Variants in SEMA3E observed in about 807,000 individuals in gnomAD.
SEMA3E encodes the protein semaphorin 3E, also known as semaphorin-3E.
SEMA3E carries 49 observed loss-of-function variants against 93.6 expected under a neutral mutation model. The ratio of observed to expected loss-of-function variants is 0.52; its 90% CI spans 0.42 to 0.66. The LOEUF (loss-of-function observed/expected upper bound fraction) is 0.66. Ranked by LOEUF, SEMA3E falls within the 30% of genes least tolerant of loss-of-function variation. The pLI, the probability that SEMA3E is intolerant of heterozygous loss-of-function variation, is 0.00. For missense variants in SEMA3E, 906 were observed against 964.8 expected, an observed-to-expected ratio of 0.94 and a Z score of 0.81; for synonymous variants, 363 against 330.7, an observed-to-expected ratio of 1.10 and a Z score of -1.06.
chr7:83,467,380 T>C (rs950661720), intron 3 of SEMA3E, among the ~76,000 whole-genome samples: 1 of 152,208 alleles, frequency 6.6e-6, no homozygotes, highest in Admixed American at 6.5e-5. Context: ...AAAGTAAGTC[T>C]TATATTCTCA....
intron 4 of SEMA3E, among the ~76,000 whole-genome samples, chr7:83,464,473 T>A (rs1177253969): frequency 9.7e-5 from 10 of 102,572 alleles, no homozygotes; most frequent in East Asian, 8.6e-4. Context: ...ACACTGTTTT[T>A]CCAAGCCATC....
chr7:83,609,063 A>T (rs185025660), intron 1 of SEMA3E, among the ~76,000 whole-genome samples: 380 of 152,226 alleles, frequency 2.5e-3, no homozygotes, highest in African/African-American at 8.9e-3. Flanking sequence ...AAATAGTGTT[A>T]TATAAAGTGT....
At chr7:83,539,120 T>A (rs1791465582) in intron 1 of SEMA3E, among the ~76,000 whole-genome samples, 1 of 152,066 alleles carries the variant, frequency 6.6e-6, no homozygotes, top group Non-Finnish European at 1.5e-5. Flanking sequence ...ATGTGTAGGA[T>A]CTTATTTTGG....
At chr7:83,430,760 G>T (rs112153262) in intron 4 of SEMA3E, among the ~76,000 whole-genome samples, 5,498 of 152,150 alleles carry the variant, frequency 0.036, 316 homozygotes, top group African/African-American at 0.12. Flanking sequence ...CGGACTATTA[G>T]GTGAAGCAAA....
chr7:83,409,429 G>A (rs1255993527), intron 5 of SEMA3E, among the ~76,000 whole-genome samples: 4 of 152,116 alleles, frequency 2.6e-5, no homozygotes, highest in Admixed American at 2.6e-4. Context: ...AGAAACAAAT[G>A]ATAACAGCAG....
intron 4 of SEMA3E, among the ~76,000 whole-genome samples, chr7:83,454,398 T>G (rs1427877432): frequency 6.6e-6 from 1 of 151,058 alleles, no homozygotes; most frequent in East Asian, 1.9e-4. Context: ...TAGAATTGGG[T>G]GCAGGAAGAG....
At chr7:83,458,487 G>T (rs369733018) in intron 4 of SEMA3E, among the ~76,000 whole-genome samples, 77 of 152,182 alleles carry the variant, frequency 5.1e-4, no homozygotes, top group East Asian at 2.1e-3. Context: ...AAAATGAGTG[G>T]TGAAATCTAG....
intron 2 of SEMA3E, among the ~76,000 whole-genome samples, chr7:83,483,698 G>A (rs183105735): frequency 6.1e-4 from 93 of 152,140 alleles, no homozygotes; most frequent in African/African-American, 2.1e-3. Flanking sequence ...GGCTTAAGGA[G>A]TGACATTTCA....
chr7:83,407,121 G>A lies in SEMA3E; in HGVS notation c.789C>T (p.Tyr263=), dbSNP rs1467250504. The change falls in exon 7 of 17, where the codon TAC becomes TAT. Residue 263 remains tyrosine (Y), a synonymous_variant. Transcript: ENST00000643230. ...CCACACAGAGTCGCCCGACCCTGGT[G>A]TAAATTGCGTGAGCATTGTTTTCTG... The part of the protein sequence containing the change: ...LEAENNAHAI[Y]TRVGRLCVND... The A allele has an allele frequency of 6.2e-7, 1 of 1,613,570 alleles. No individual in the cohort carries two copies. Among genetic ancestry groups the A allele is most frequent in the South Asian group, 1.1e-5 (1 of 91,078 alleles).
intron 1 of SEMA3E, among the ~76,000 whole-genome samples, chr7:83,507,424 C>CTG (rs4016317): frequency 0.16 from 20,532 of 125,596 alleles, 1,861 homozygotes; most frequent in Non-Finnish European, 0.2. Flanking sequence ...AAACAGAACT[C>CTG]TGTGTGTGTG....
At chr7:83,549,325 A>G (rs538326181) in intron 1 of SEMA3E, among the ~76,000 whole-genome samples, 1 of 152,244 alleles carries the variant, frequency 6.6e-6, no homozygotes, top group South Asian at 2.1e-4. Context: ...GCTATTTGCT[A>G]ATTATAAATG....
intron 1 of SEMA3E, among the ~76,000 whole-genome samples, chr7:83,598,493 T>G (rs2115972028): frequency 6.6e-6 from 1 of 152,312 alleles, no homozygotes; most frequent in Non-Finnish European, 1.5e-5. Flanking sequence ...ACCTTGGGTT[T>G]TATTCAACTA....
intron 1 of SEMA3E, among the ~76,000 whole-genome samples, chr7:83,581,133 C>T (rs185724145): frequency 3.0e-4 from 46 of 152,088 alleles, no homozygotes; most frequent in Non-Finnish European, 5.0e-4. Flanking sequence ...GAAATTAAGA[C>T]ATAACTTCAC....
Position 83,436,203 on chromosome 7 carries a change from T to A in SEMA3E, c.457-17720A>T, listed in dbSNP as rs187241681. Among the ~76,000 whole-genome samples the A allele has an allele frequency of 1.6e-3, 236 of 151,862 alleles. 1 individual carries two copies. Among genetic ancestry groups the A allele is most frequent in the African/African-American group, 4.2e-3 (176 of 41,506 alleles). On this transcript the variant is annotated intron_variant, in intron 4 of 16. Coordinates refer to ENST00000643230, the MANE Select transcript of SEMA3E (RefSeq NM_012431.3). Reference sequence around the variant, plus strand: ...GTGTGTGTGTGTACACACACACGCATACATATAAAACGTGTGTTAAAGATA... The same window carrying A: ...GTGTGTGTGTGTACACACACACGCAAACATATAAAACGTGTGTTAAAGATA...
intron 4 of SEMA3E, among the ~76,000 whole-genome samples, chr7:83,431,094 GAAAAA>G (rs869043431): frequency 1.2e-4 from 1 of 8,444 alleles, no homozygotes; most frequent in Admixed American, 2.5e-3. Context: ...AGAAAAAAAA[GAAAAA>G]AAAAAAAAGC....
At position 83,455,886 on chromosome 7, in the gene SEMA3E, A is replaced by G. The variant is rs536703033; in HGVS notation, c.456+10596T>C. ...CTGCAAGGAAGTGAATTCTGCCAAT[A>G]ACCTCATGAACCCGGAATATGACCC... On this transcript the variant is annotated intron_variant, in intron 4 of 16. Transcript: ENST00000643230. Among the ~76,000 whole-genome samples the G allele has an allele frequency of 3.9e-4, 60 of 152,308 alleles. No homozygotes were observed. In the South Asian group the frequency reaches 0.012, roughly 31 times the overall value.
rs1032272740 is a variant in SEMA3E at position 83,567,659 on chromosome 7, T to C, written c.116-77385A>G. 4.6e-5 allele frequency among the ~76,000 whole-genome samples: 7 copies of C among 152,082 alleles called. No individual in the cohort carries two copies. In the East Asian group the frequency reaches 9.6e-4, roughly 21 times the overall value. ...TAAACGACATGCTCCTGAATGACCA[T>C]TGAGTCAAAGAAAAAACTTAAAAAA... On this transcript the variant is annotated intron_variant, in intron 1 of 16. Transcript: ENST00000643230.
chr7:83,531,037 T>C (rs1791283366), intron 1 of SEMA3E, among the ~76,000 whole-genome samples: 1 of 152,066 alleles, frequency 6.6e-6, no homozygotes, highest in African/African-American at 2.4e-5. Flanking sequence ...TCCAATAAAA[T>C]TACCAAGGAT....
intron 1 of SEMA3E, among the ~76,000 whole-genome samples, chr7:83,538,791 T>A (rs1791460743): frequency 6.6e-6 from 1 of 152,314 alleles, no homozygotes; most frequent in South Asian, 2.1e-4. Context: ...CTCCTCTCAA[T>A]ATATTTTAAA....
Sources: allele counts gnomAD v4.1 joint callset (sites outside exome capture counted in the v4.1 genomes callset), GRCh38; gene constraint gnomAD v4.1.1; transcripts MANE v1.5; gene names NCBI Gene and HGNC (gene_info 2026-07-23, HGNC 2026-07-21).